PIWIL1: variants seen among roughly 807,000 people sequenced by gnomAD.
The protein encoded by PIWIL1 is piwi like RNA-mediated gene silencing 1, also known as piwi-like protein 1.
Under a neutral mutation model 114.4 loss-of-function variants are expected in PIWIL1, and 73 were observed. The observed-to-expected ratio is 0.64, with a 90% confidence interval of 0.53 to 0.78. The LOEUF (loss-of-function observed/expected upper bound fraction) is 0.78. PIWIL1 is among the 30% of genes least tolerant of loss of function. The pLI, the probability that PIWIL1 is intolerant of heterozygous loss-of-function variation, is 0.00. For synonymous variants in PIWIL1, 375 were observed against 369.0 expected (o/e 1.02, Z -0.19); for missense variants, 723 against 1,063.1 (o/e 0.68, Z 4.45).
intron 19 of PIWIL1, among the ~76,000 whole-genome samples, chr12:130,367,824 G>C (rs1253477392): frequency 6.6e-6 from 1 of 152,176 alleles, no homozygotes; most frequent in Non-Finnish European, 1.5e-5. Context: ...TTTTGGGACA[G>C]AGTCACTGTG....
chr12:130,382,844 C>T, the PIWIL1 span, among the ~76,000 whole-genome samples: 3 of 152,144 alleles, frequency 2.0e-5, no homozygotes, highest in African/African-American at 4.8e-5. Flanking sequence ...AATAATACTA[C>T]AGAAAGCCCA....
the PIWIL1 span, among the ~76,000 whole-genome samples, chr12:130,406,441 G>A: frequency 6.6e-6 from 1 of 152,298 alleles, no homozygotes; most frequent in East Asian, 1.9e-4. Context: ...AAGATAATGT[G>A]CACCTAAAAG....
At chr12:130,360,953 TG>T (rs1480059397) in intron 14 of PIWIL1, among the ~76,000 whole-genome samples, 1 of 152,238 alleles carries the variant, frequency 6.6e-6, no homozygotes, top group Non-Finnish European at 1.5e-5. Context: ...ACTCATAGTT[TG>T]CTTAACATGA....
intron 8 of PIWIL1, among the ~76,000 whole-genome samples, 156 bp from the exon 9 acceptor site, chr12:130,349,700 G>A (rs2073163545): frequency 6.6e-6 from 1 of 152,150 alleles, no homozygotes; most frequent in Non-Finnish European, 1.5e-5. Flanking sequence ...CCATCCATCT[G>A]GCATAGTCTG....
chr12:130,424,278 G>A, the PIWIL1 span: 43 of 1,231,734 alleles, frequency 3.5e-5, no homozygotes, highest in Non-Finnish European at 4.2e-5. The surrounding 1 kb of genome is among the most constrained non-coding windows in gnomAD (Gnocchi z 9.8). Context: ...GTGCTTCCTG[G>A]GGGGCGGCCT....
Position 130,363,012 on chromosome 12 carries a change from G to C in PIWIL1, c.2063G>C (p.Ser688Thr). Residue 688 changes from serine (S) to threonine (T), a missense_variant, in exon 18 of 21, where the codon AGC becomes ACC. Ser to Thr is a moderately conservative substitution (Grantham distance 58). Around this residue, in one of 8 missense-constraint regions of PIWIL1, gnomAD observed 31 missense variants for 30.2 expected, o/e 1.03. Coordinates refer to ENST00000245255, the MANE Select transcript of PIWIL1 (RefSeq NM_004764.5). ...TCAGCGGCTCTGAGGGCTTGGAATA[G>C]CTGCAATGAGTACATGCCCAGCCGG... is the stretch of plus-strand genomic sequence containing the variant. ...CLQAALRAWN[S>T]CNEYMPSRII... 1.2e-6 allele frequency: 2 copies of C among 1,614,154 alleles called. No individual in the cohort carries two copies. The highest frequency in any genetic ancestry group is 1.7e-6 in the Non-Finnish European group (2 of 1,179,994).
At chr12:130,359,533 G>C (rs2073454518) in intron 14 of PIWIL1, among the ~76,000 whole-genome samples, 2 of 152,208 alleles carry the variant, frequency 1.3e-5, no homozygotes, top group South Asian at 4.2e-4. Context: ...CTTTTATTCA[G>C]GTTCTCTCAA....
the PIWIL1 span, chr12:130,397,923 A>T: frequency 2.0e-3 from 331 of 161,838 alleles, 1 homozygote; most frequent in African/African-American, 7.3e-3. Flanking sequence ...GCGAAAGTTC[A>T]TAAAGGGAAT....
In PIWIL1 at chr12:130,347,832, G is replaced by T. The variant is rs117689012; in HGVS notation, c.654-271G>T. ...GCCAGACACAGCGTGTGAGTGAGCG[G>T]TCATGGCTGTGTGCCAGTAGAACTA... is the stretch of plus-strand genomic sequence containing the variant. On this transcript the variant is annotated intron_variant, in intron 6 of 20. Coordinates refer to ENST00000245255, the MANE Select transcript of PIWIL1 (RefSeq NM_004764.5). Among the ~76,000 whole-genome samples the T allele has an allele frequency of 2.5e-3, 381 of 152,358 alleles. No individual in the cohort carries two copies. In the Middle Eastern group the frequency reaches 0.027, roughly 11 times the overall value.
the PIWIL1 span, among the ~76,000 whole-genome samples, chr12:130,412,133 T>A: frequency 1.3e-5 from 2 of 152,164 alleles, no homozygotes; most frequent in Non-Finnish European, 2.9e-5. Context: ...TCACTGGTGC[T>A]TGCAGACTGG....
intron 13 of PIWIL1, 81 bp from the exon 14 acceptor site, chr12:130,357,400 T>C: frequency 2.0e-6 from 2 of 1,009,130 alleles, no homozygotes; most frequent in South Asian, 1.4e-5. Flanking sequence ...AAACGTTTCC[T>C]GTGTTACACA....
chr12:130,345,552 C>G (rs1015777430), intron 3 of PIWIL1: 59 of 527,174 alleles, frequency 1.1e-4, no homozygotes, highest in Non-Finnish European at 1.6e-4. Flanking sequence ...AGTGACAAGG[C>G]CTTTATGAAT....
the PIWIL1 span, among the ~76,000 whole-genome samples, chr12:130,403,038 T>G: frequency 3.3e-5 from 5 of 152,198 alleles, no homozygotes. Flanking sequence ...CTGCTTACGC[T>G]TGTTTTACTG....
chr12:130,353,085 C>T (rs1418275282), intron 9 of PIWIL1, among the ~76,000 whole-genome samples: 1 of 152,208 alleles, frequency 6.6e-6, no homozygotes, highest in Non-Finnish European at 1.5e-5. Flanking sequence ...ATGCAAGCAC[C>T]CTTAGTCTGC....
chr12:130,396,579 T>C, the PIWIL1 span: 2 of 152,660 alleles, frequency 1.3e-5, no homozygotes, highest in Non-Finnish European at 2.9e-5. Context: ...TGTATTTGGG[T>C]ATGGCATTTT....
In PIWIL1 at chr12:130,354,881, T is replaced by C; in HGVS notation, c.1172-7T>C. On this transcript the variant is annotated splice_region_variant and splice_polypyrimidine_tract_variant and intron_variant, in intron 10 of 20. Coordinates refer to ENST00000245255, the MANE Select transcript of PIWIL1 (RefSeq NM_004764.5). ...TAACCATATGCCTTTAAATGTCTTA[T>C]TTAAAGGTCTAACTGATAAAATGCG... The C allele has an allele frequency of 6.3e-7, 1 of 1,589,190 alleles. No individual in the cohort carries two copies. The highest frequency in any genetic ancestry group is 8.6e-7 in the Non-Finnish European group (1 of 1,158,002).
At chr12:130,418,866 G>C in the PIWIL1 span, among the ~76,000 whole-genome samples, 2 of 152,132 alleles carry the variant, frequency 1.3e-5, no homozygotes, top group Admixed American at 6.5e-5. Context: ...GCCACACCAC[G>C]GGAGGCATTT....
the PIWIL1 span, among the ~76,000 whole-genome samples, chr12:130,402,968 T>C: frequency 6.6e-6 from 1 of 152,100 alleles, no homozygotes; most frequent in East Asian, 1.9e-4. Flanking sequence ...CTGATGTAAA[T>C]TATGAAATAG....
At chr12:130,412,011 G>A in the PIWIL1 span, among the ~76,000 whole-genome samples, 1 of 151,838 alleles carries the variant, frequency 6.6e-6, no homozygotes, top group South Asian at 2.1e-4. Flanking sequence ...CTTTTTTTGA[G>A]ACTACAGAGG....
Sources: gnomAD v4.1 joint callset for allele counts (sites outside exome capture counted in the v4.1 genomes callset) on GRCh38, gnomAD v4.1.1 for gene constraint, gnomAD v4.1.1 regional missense constraint, Gnocchi (gnomAD v3.1) non-coding constraint, MANE v1.5 for transcripts, NCBI Gene and HGNC (gene_info 2026-07-23, HGNC 2026-07-21) for gene names.